The following GRM7 variants were observed in gnomAD, a reference collection of about 807,000 sequenced individuals.
The protein encoded by GRM7 is metabotropic glutamate receptor 7.
A neutral mutation model predicts 84.5 loss-of-function variants in GRM7; 35 were observed. The ratio of observed to expected loss-of-function variants is 0.41; its 90% CI spans 0.32 to 0.55. The LOEUF is 0.55. Ranked by LOEUF, GRM7 falls within the 20% of genes least tolerant of loss-of-function variation. The pLI is 0.19. For missense variants in GRM7, 1,003 were observed against 1,194.6 expected, an observed-to-expected ratio of 0.84 and a Z score of 2.36; for synonymous variants, 487 against 455.1, an observed-to-expected ratio of 1.07 and a Z score of -0.89.
rs532226735 is a variant in GRM7, at chr3:6,971,719, A to G, written c.519+109812A>G. Among the ~76,000 whole-genome samples, 6 of 152,206 alleles carry G rather than the reference A, an allele frequency of 3.9e-5. No homozygotes were observed. The South Asian group carries it at 8.3e-4, about 21-fold the overall frequency. On this transcript the variant is annotated intron_variant, in intron 1 of 9. Coordinates refer to ENST00000357716, the MANE Select transcript of GRM7 (RefSeq NM_000844.4). ...ATTTTTCCTTTTTTTCTTCCTGTACAGTTTATTTATATTCACTGTTTTATT... is the reference window on the plus strand; with the variant it reads ...ATTTTTCCTTTTTTTCTTCCTGTACGGTTTATTTATATTCACTGTTTTATT...
chr3:7,454,090 A>C lies in GRM7; in HGVS notation c.1375+1283A>C, dbSNP rs61118429. Among the ~76,000 whole-genome samples the C allele has an allele frequency of 6.4e-5, 9 of 140,208 alleles. No homozygotes were observed. In the East Asian group the frequency reaches 1.2e-3, roughly 18 times the overall value. 92.0% of individuals were successfully genotyped at this position (140,208 alleles called of 152,430 possible). The stretch of plus-strand genomic sequence containing the variant: ...ACCATACATGAAAAGCTACACACAC[A>C]CTCTCTCTCTCTCTCTCTCTCTCTC... On this transcript the variant is annotated intron_variant, in intron 6 of 9. Coordinates refer to ENST00000357716, the MANE Select transcript of GRM7 (RefSeq NM_000844.4).
intron 8 of GRM7, among the ~76,000 whole-genome samples, chr3:7,679,566 C>T (rs1333474052): frequency 6.6e-6 from 1 of 152,082 alleles, no homozygotes; most frequent in Non-Finnish European, 1.5e-5. Flanking sequence ...AAAAGGCGTG[C>T]CTTTCTAGAA....
At chr3:7,022,714 G>A (rs1278119908) in intron 1 of GRM7, among the ~76,000 whole-genome samples, 2 of 152,046 alleles carry the variant, frequency 1.3e-5, no homozygotes, top group Admixed American at 1.3e-4. Context: ...AAGCAAAAGT[G>A]TCTTGAGCCC....
At chr3:7,655,084 A>C (rs1465634603) in intron 8 of GRM7, among the ~76,000 whole-genome samples, 1 of 152,188 alleles carries the variant, frequency 6.6e-6, no homozygotes, top group Non-Finnish European at 1.5e-5. Flanking sequence ...AGCCCAGCTC[A>C]GGCCTGGTTG....
intron 1 of GRM7, among the ~76,000 whole-genome samples, chr3:6,939,688 T>C (rs997256959): frequency 1.3e-5 from 2 of 152,196 alleles, no homozygotes. Context: ...CCAGATGAAA[T>C]TACAGACCTC....
At chr3:7,468,546 C>T (rs534175516) in intron 7 of GRM7, among the ~76,000 whole-genome samples, 13 of 152,132 alleles carry the variant, frequency 8.5e-5, no homozygotes, top group East Asian at 5.8e-4. Context: ...AAATGTTAGC[C>T]GCAACAGCAA....
intron 4 of GRM7, among the ~76,000 whole-genome samples, chr3:7,361,433 A>C (rs1693659783): frequency 1.3e-5 from 2 of 152,078 alleles, no homozygotes; most frequent in African/African-American, 4.8e-5. Context: ...TCTTGAGCCT[A>C]CTGCCTATTT....
intron 9 of GRM7, chr3:7,682,150 A>G (rs942982139): frequency 2.0e-5 from 3 of 152,114 alleles, no homozygotes; most frequent in Admixed American, 6.5e-5. Context: ...AGCCTGACCA[A>G]CATGGAGAAA....
At chr3:7,026,313 T>A (rs570407209) in intron 1 of GRM7, among the ~76,000 whole-genome samples, 1 of 152,314 alleles carries the variant, frequency 6.6e-6, no homozygotes, top group East Asian at 1.9e-4. Flanking sequence ...GCTTAACAGA[T>A]CTATGCTGTT....
At chr3:6,946,687 C>T (rs997100403) in intron 1 of GRM7, among the ~76,000 whole-genome samples, 39 of 152,174 alleles carry the variant, frequency 2.6e-4, no homozygotes, top group Non-Finnish European at 3.2e-4. Flanking sequence ...TCTTCCTACC[C>T]ATGAGCATGG....
intron 2 of GRM7, among the ~76,000 whole-genome samples, chr3:7,185,795 G>A (rs888126368): frequency 6.6e-6 from 1 of 152,158 alleles, no homozygotes; most frequent in African/African-American, 2.4e-5. Flanking sequence ...GTCAACATGG[G>A]AGAACTAATA....
At chr3:7,682,134 G>A (rs1433779280) in intron 9 of GRM7, 2 of 151,992 alleles carry the variant, frequency 1.3e-5, no homozygotes, top group African/African-American at 4.8e-5. Flanking sequence ...TTAGGAGTTG[G>A]TGACCAGCCT....
At chr3:7,060,325 T>C (rs1697391660) in intron 1 of GRM7, among the ~76,000 whole-genome samples, 1 of 151,860 alleles carries the variant, frequency 6.6e-6, no homozygotes, top group African/African-American at 2.4e-5. Context: ...CTTGAATTCA[T>C]AGCCTCCACC....
At chr3:6,952,314 A>C (rs538495024) in intron 1 of GRM7, among the ~76,000 whole-genome samples, 3 of 152,284 alleles carry the variant, frequency 2.0e-5, no homozygotes, top group African/African-American at 7.2e-5. Flanking sequence ...GCATGATTTC[A>C]GGGCCTGTGT....
At chr3:7,636,042 G>T (rs1255730459) in intron 8 of GRM7, among the ~76,000 whole-genome samples, 2 of 152,092 alleles carry the variant, frequency 1.3e-5, no homozygotes, top group East Asian at 3.9e-4. Flanking sequence ...TAATCACTTT[G>T]AAAATATGTT....
intron 2 of GRM7, among the ~76,000 whole-genome samples, chr3:7,276,697 A>G (rs927078539): frequency 3.3e-5 from 5 of 151,740 alleles, no homozygotes; most frequent in African/African-American, 1.2e-4. Flanking sequence ...TTTTCACCTA[A>G]GTGAAATATA....
chr3:6,962,273 A>C (rs562271562), intron 1 of GRM7, among the ~76,000 whole-genome samples: 54 of 152,312 alleles, frequency 3.5e-4, no homozygotes, highest in Middle Eastern at 3.4e-3. Context: ...CAGCTGAATA[A>C]TTTTTTGTCG....
intron 7 of GRM7, among the ~76,000 whole-genome samples, chr3:7,499,097 A>G (rs1699798695): frequency 6.6e-6 from 1 of 152,124 alleles, no homozygotes; most frequent in African/African-American, 2.4e-5. Context: ...GGAGATCTCA[A>G]AGGCTTCTTT....
chr3:7,221,099 GCAAAA>G (rs543721792), intron 2 of GRM7, among the ~76,000 whole-genome samples: 177 of 152,004 alleles, frequency 1.2e-3, no homozygotes, highest in Non-Finnish European at 1.8e-3. Flanking sequence ...TGTCTAAAAA[GCAAAA>G]CAAAACAAAA....
Sources: allele counts gnomAD v4.1 joint callset (sites outside exome capture counted in the v4.1 genomes callset), GRCh38; gene constraint gnomAD v4.1.1; transcripts MANE v1.5; gene names NCBI Gene and HGNC (gene_info 2026-07-23, HGNC 2026-07-21).